The following SREBF2 variants were observed in gnomAD, a reference collection of about 807,000 sequenced individuals.
SREBF2 encodes sterol regulatory element binding transcription factor 2.
A neutral mutation model predicts 113.1 loss-of-function variants in SREBF2; 55 were observed. That is an observed-to-expected ratio of 0.49 (90% CI 0.39 to 0.61). The LOEUF (loss-of-function observed/expected upper bound fraction) is 0.61, where lower values mean the gene tolerates loss of function less well. Ranked by LOEUF, SREBF2 falls within the 20% of genes least tolerant of loss-of-function variation. The pLI, the probability that SREBF2 is intolerant of heterozygous loss-of-function variation, is 0.00. For missense variants in SREBF2, 1,349 were observed against 1,487.4 expected (o/e 0.91, Z 1.53); for synonymous variants, 593 against 605.7 (o/e 0.98, Z 0.31).
intron 1 of SREBF2, among the ~76,000 whole-genome samples, chr22:41,838,829 G>A (rs1181721792): frequency 1.3e-5 from 2 of 152,188 alleles, no homozygotes; most frequent in Non-Finnish European, 2.9e-5. Flanking sequence ...AGCCATCCAG[G>A]TGTGAGGTGA....
At chr22:41,850,014 C>T (rs1183494151) in intron 1 of SREBF2, among the ~76,000 whole-genome samples, 2 of 151,878 alleles carry the variant, frequency 1.3e-5, no homozygotes, top group African/African-American at 4.8e-5. Context: ...GTGGCACACA[C>T]CTGTAGTCCC....
intron 13 of SREBF2, 92 bp from the exon 14 acceptor site, chr22:41,896,960 G>T: frequency 1.2e-6 from 1 of 858,302 alleles, no homozygotes. Context: ...ATGGCCATTG[G>T]GTCTTAGAGC....
At chr22:41,873,333 C>T (rs751459273) in intron 4 of SREBF2, among the ~76,000 whole-genome samples, 2 of 152,130 alleles carry the variant, frequency 1.3e-5, no homozygotes, top group African/African-American at 2.4e-5. Flanking sequence ...GTCACTTCTG[C>T]CCTTGAGCTT....
intron 11 of SREBF2, among the ~76,000 whole-genome samples, 170 bp from the exon 12 acceptor site, chr22:41,892,947 T>C (rs1362060224): frequency 6.6e-6 from 1 of 152,176 alleles, no homozygotes; most frequent in Non-Finnish European, 1.5e-5. Context: ...CTTGCCCTAG[T>C]TTCCATGGTG....
Position 41,870,751 on chromosome 22 carries a change from T to G in SREBF2, c.721-138T>G, listed in dbSNP as rs1232972178. On this transcript the variant is annotated intron_variant, in intron 3 of 18. Transcript: ENST00000361204. Reference sequence around the variant, plus strand: ...TTGAAATGGCCTCTATGAAATTTCCTGTTCATTTTTTTATTCTCAATTTCA... The same window carrying G: ...TTGAAATGGCCTCTATGAAATTTCCGGTTCATTTTTTTATTCTCAATTTCA... 3 of 1,241,000 alleles carry G rather than the reference T, an allele frequency of 2.4e-6. No homozygotes were observed. The South Asian group carries it at 3.9e-5, about 16-fold the overall frequency. The allele number at this position is 1,241,000 out of a possible 1,614,324, so 76.9% of individuals were successfully genotyped here.
rs1420408064 is a variant in SREBF2, at chr22:41,897,059, T to A, written c.2503T>A (p.Ser835Thr). 1.3e-5 allele frequency: 21 copies of A among 1,611,702 alleles called. No homozygotes were observed. Among genetic ancestry groups the A allele is most frequent in the Non-Finnish European group, 1.7e-5 (20 of 1,178,580 alleles). ...CCTTTCTTTTCTTCCTAGTGAATTC[T>A]CCAGTGCTCTGGAGTACTTGAAATT... The part of the protein sequence containing the change: ...GDQEEESCEF[S>T]SALEYLKLLH... The change falls in exon 14 of 19, where the codon TCC becomes ACC. Residue 835 changes from serine (S) to threonine (T), a missense_variant. Coordinates refer to ENST00000361204, the MANE Select transcript of SREBF2 (RefSeq NM_004599.4).
intron 11 of SREBF2, 98 bp from the exon 12 acceptor site, chr22:41,893,019 C>G: frequency 3.4e-6 from 5 of 1,455,420 alleles, no homozygotes; most frequent in Non-Finnish European, 4.8e-6. Context: ...CAGTCTCCCC[C>G]AAAGCCCACC....
chr22:41,859,725 A>G (rs1469797971), intron 1 of SREBF2, among the ~76,000 whole-genome samples: 1 of 151,328 alleles, frequency 6.6e-6, no homozygotes, highest in Non-Finnish European at 1.5e-5. Context: ...GTTAGCCACA[A>G]TGTACAGTTG....
rs199678091 is a variant in SREBF2, at chr22:41,869,327, C to T, written c.720+535C>T. Among the ~76,000 whole-genome samples the T allele has an allele frequency of 1.1e-4, 17 of 151,336 alleles. No individual in the cohort carries two copies. The East Asian group carries it at 2.1e-3, about 19-fold the overall frequency. On this transcript the variant is annotated intron_variant, in intron 3 of 18. Transcript: ENST00000361204. ...GGCCAGGCTGGCTTGAACTTCTGAC[C>T]TTGTGATCCACCCGCCTCGGCCTCC...
chr22:41,870,528 A>C (rs547444448), intron 3 of SREBF2, among the ~76,000 whole-genome samples: 2 of 149,688 alleles, frequency 1.3e-5, no homozygotes, highest in East Asian at 4.0e-4. Flanking sequence ...CAGGAGGCTG[A>C]GGCAGCAGGA....
At chr22:41,900,876 G>T in intron 16 of SREBF2, 2 of 515,734 alleles carry the variant, frequency 3.9e-6, no homozygotes, top group Admixed American at 4.4e-5. Context: ...GCCCCCTCGG[G>T]CACACAAACA....
chr22:41,890,373 C>T (rs2077348292), intron 11 of SREBF2, among the ~76,000 whole-genome samples: 1 of 152,262 alleles, frequency 6.6e-6, no homozygotes, highest in Non-Finnish European at 1.5e-5. Flanking sequence ...TTGAGCATCA[C>T]TGTTTTCCTC....
At chr22:41,848,250 C>T (rs2076896257) in intron 1 of SREBF2, among the ~76,000 whole-genome samples, 1 of 152,036 alleles carries the variant, frequency 6.6e-6, no homozygotes, top group African/African-American at 2.4e-5. Context: ...ATCCCTCCCT[C>T]CTCCCCCTGT....
At chr22:41,850,947 G>C (rs908327265) in intron 1 of SREBF2, among the ~76,000 whole-genome samples, 1 of 152,078 alleles carries the variant, frequency 6.6e-6, no homozygotes, top group Non-Finnish European at 1.5e-5. Flanking sequence ...CACCATGTTG[G>C]CCAGGCTGGT....
chr22:41,871,248 G>A (rs2077138105), intron 4 of SREBF2, among the ~76,000 whole-genome samples: 1 of 152,196 alleles, frequency 6.6e-6, no homozygotes, highest in African/African-American at 2.4e-5. Flanking sequence ...AGTCTACAAG[G>A]AGGTAGAAAA....
chr22:41,887,830 T>C (rs2077313436), intron 11 of SREBF2, among the ~76,000 whole-genome samples: 1 of 151,332 alleles, frequency 6.6e-6, no homozygotes, highest in Non-Finnish European at 1.5e-5. Context: ...CGAACACATA[T>C]AATGTCAATT....
At chr22:41,899,398 TC>T (rs2077445080) in intron 15 of SREBF2, 1 of 1,002,434 alleles carries the variant, frequency 1.0e-6, no homozygotes, top group East Asian at 9.7e-5. Flanking sequence ...GCCTGCTGAC[TC>T]CCCGGCTGTT....
At chr22:41,892,832 C>G (rs1381996985) in intron 11 of SREBF2, among the ~76,000 whole-genome samples, 2 of 152,140 alleles carry the variant, frequency 1.3e-5, no homozygotes, top group Non-Finnish European at 2.9e-5. Flanking sequence ...GCAGCCCCAG[C>G]AGGACAGGAT....
At chr22:41,905,368 C>A in intron 18 of SREBF2, 72 bp from the exon 19 acceptor site, 1 of 1,394,340 alleles carries the variant, frequency 7.2e-7, no homozygotes, top group Non-Finnish European at 9.8e-7. Flanking sequence ...GTGAATGAGT[C>A]CAGGTAACGC....
Sources: gnomAD v4.1 joint callset for allele counts (sites outside exome capture counted in the v4.1 genomes callset) on GRCh38, gnomAD v4.1.1 for gene constraint, MANE v1.5 for transcripts, NCBI Gene and HGNC (gene_info 2026-07-23, HGNC 2026-07-21) for gene names.